FNDC3A: variants seen among roughly 807,000 people sequenced by gnomAD.
The protein encoded by FNDC3A is fibronectin type-III domain-containing protein 3A.
FNDC3A carries 32 observed loss-of-function variants against 148.9 expected under a neutral mutation model. The observed-to-expected ratio is 0.21, with a 90% CI of 0.16 to 0.29. FNDC3A has a LOEUF of 0.29. Among genes scored for constraint, FNDC3A ranks in the 10% least tolerant of loss-of-function variants. The pLI is 1.00. For synonymous variants in FNDC3A, 472 were observed against 473.6 expected (o/e 1.00, Z 0.04); for missense variants, 1,191 against 1,452.8 (o/e 0.82, Z 2.93).
At chr13:49,067,838 C>T (rs1180989486) in intron 2 of FNDC3A, among the ~76,000 whole-genome samples, 3 of 152,162 alleles carry the variant, frequency 2.0e-5, no homozygotes, top group Non-Finnish European at 4.4e-5. Context: ...GTTAAGAACT[C>T]TTGTGCTTTA....
At chr13:49,048,741 A>G (rs780033352) in intron 2 of FNDC3A, among the ~76,000 whole-genome samples, 2 of 152,160 alleles carry the variant, frequency 1.3e-5, no homozygotes, top group African/African-American at 4.8e-5. Flanking sequence ...TTTTCTAGGT[A>G]TATGATCATA....
chr13:49,103,574 G>A (rs529602311), intron 3 of FNDC3A, among the ~76,000 whole-genome samples: 1 of 152,192 alleles, frequency 6.6e-6, no homozygotes, highest in East Asian at 1.9e-4. Context: ...GCTAGGGACT[G>A]GGGGCAAGGA....
chr13:49,030,068 C>G lies in FNDC3A; in HGVS notation c.99+23779C>G, dbSNP rs193073996. ...AATTAACACCAAATCTAAAACTAAA[C>G]CAGACAGAGACATTGCAAGAAAACC... On this transcript the variant is annotated intron_variant, in intron 2 of 25. Coordinates refer to ENST00000492622, the MANE Select transcript of FNDC3A (RefSeq NM_001079673.2). Among the ~76,000 whole-genome samples, 284 of 152,172 alleles carry G rather than the reference C, an allele frequency of 1.9e-3. 1 individual carries two copies. Among genetic ancestry groups the G allele is most frequent in the Middle Eastern group, 3.4e-3 (1 of 294 alleles).
intron 2 of FNDC3A, among the ~76,000 whole-genome samples, chr13:49,039,382 G>A (rs1044701848): frequency 6.6e-6 from 1 of 152,062 alleles, no homozygotes; most frequent in Non-Finnish European, 1.5e-5. Flanking sequence ...TTGTTTAGAG[G>A]TTCCCGTCAG....
intron 3 of FNDC3A, among the ~76,000 whole-genome samples, chr13:49,078,269 A>C (rs1289882579): frequency 6.6e-6 from 1 of 152,176 alleles, no homozygotes; most frequent in Non-Finnish European, 1.5e-5. Flanking sequence ...AAATCAATTA[A>C]ATTGATTTTA....
intron 23 of FNDC3A, among the ~76,000 whole-genome samples, chr13:49,199,278 C>G (rs1424707410): frequency 6.6e-6 from 1 of 151,912 alleles, no homozygotes; most frequent in Non-Finnish European, 1.5e-5. Context: ...CGCTCAGCCT[C>G]ACTGAGTGCT....
intron 14 of FNDC3A, among the ~76,000 whole-genome samples, chr13:49,183,273 T>C (rs932372652): frequency 6.6e-6 from 1 of 152,210 alleles, no homozygotes; most frequent in Non-Finnish European, 1.5e-5. Flanking sequence ...AACACTTCCA[T>C]TTCCCTTTTC....
intron 19 of FNDC3A, among the ~76,000 whole-genome samples, chr13:49,194,402 C>G (rs905246802): frequency 1.3e-5 from 2 of 152,190 alleles, no homozygotes; most frequent in Non-Finnish European, 2.9e-5. Flanking sequence ...AAGATGGTTT[C>G]AAGATTACTT....
intron 25 of FNDC3A, among the ~76,000 whole-genome samples, chr13:49,205,350 T>C (rs1886599442): frequency 6.6e-6 from 1 of 152,234 alleles, no homozygotes; most frequent in Non-Finnish European, 1.5e-5. Flanking sequence ...ATATTTTTAA[T>C]TTTTACTCAA....
upstream of FNDC3A, chr13:48,975,296 T>C (rs1951579687): frequency 6.6e-6 from 1 of 152,234 alleles, no homozygotes; most frequent in Non-Finnish European, 1.5e-5. Flanking sequence ...CGCTCACTTG[T>C]AAGTCTTCGT....
intron 4 of FNDC3A, among the ~76,000 whole-genome samples, chr13:49,121,618 A>C (rs1336032098): frequency 6.6e-6 from 1 of 152,176 alleles, no homozygotes; most frequent in Admixed American, 6.5e-5. Context: ...GTTAAAGAAG[A>C]AAAGAGAGGA....
At chr13:49,115,982 C>G (rs1002351679) in intron 4 of FNDC3A, among the ~76,000 whole-genome samples, 2 of 152,156 alleles carry the variant, frequency 1.3e-5, no homozygotes, top group African/African-American at 4.8e-5. Flanking sequence ...CTCAGATCTT[C>G]CTTCTCTTAC....
chr13:48,984,787 C>T lies in FNDC3A; in HGVS notation c.-40+8610C>T, dbSNP rs541875592. Among the ~76,000 whole-genome samples, 12 of 152,156 alleles carry T rather than the reference C, an allele frequency of 7.9e-5. No homozygotes were observed. In the South Asian group the frequency reaches 1.5e-3, roughly 18 times the overall value. On this transcript the variant is annotated intron_variant, in intron 1 of 25. Coordinates refer to ENST00000492622, the MANE Select transcript of FNDC3A (RefSeq NM_001079673.2). ...GCAACCTCCGCCTCCCAGGTTCAAG[C>T]GATTCTCCTGCCTCAGCCTCCCAAG...
At chr13:48,993,199 C>T (rs1951952485) in intron 1 of FNDC3A, among the ~76,000 whole-genome samples, 1 of 152,162 alleles carries the variant, frequency 6.6e-6, no homozygotes, top group Non-Finnish European at 1.5e-5. Flanking sequence ...ACATTGTTAT[C>T]AACTTTACAT....
At chr13:49,033,229 T>A (rs1459735805) in intron 2 of FNDC3A, among the ~76,000 whole-genome samples, 1 of 152,194 alleles carries the variant, frequency 6.6e-6, no homozygotes, top group Non-Finnish European at 1.5e-5. Flanking sequence ...AAATTCTGAC[T>A]TGTTAACTGA....
intron 11 of FNDC3A, among the ~76,000 whole-genome samples, chr13:49,172,847 T>C (rs953649418): frequency 6.6e-6 from 1 of 152,198 alleles, no homozygotes; most frequent in Non-Finnish European, 1.5e-5. Context: ...GCAAGCATAC[T>C]GGACTTCATT....
At chr13:49,153,466 G>A in intron 8 of FNDC3A, among the ~76,000 whole-genome samples, 1 of 152,012 alleles carries the variant, frequency 6.6e-6, no homozygotes, top group Non-Finnish European at 1.5e-5. Context: ...CATTTTGTAG[G>A]TTGCCTGTTC....
At chr13:49,150,188 G>A (rs948836215) in intron 8 of FNDC3A, among the ~76,000 whole-genome samples, 1 of 151,968 alleles carries the variant, frequency 6.6e-6, no homozygotes. Flanking sequence ...ATCCTCCCAC[G>A]TCAGCCTCCC....
rs762679004 is a variant in FNDC3A, at chr13:49,019,570, G to C, written c.99+13281G>C. Reference sequence around the variant, plus strand: ...GCAGAAATCACCCATCTTCTGCGTCGCTCTCTCTGGGAGCTGTAGACCGGA... The same window carrying C: ...GCAGAAATCACCCATCTTCTGCGTCCCTCTCTCTGGGAGCTGTAGACCGGA... On this transcript the variant is annotated intron_variant, in intron 2 of 25. Coordinates refer to ENST00000492622, the MANE Select transcript of FNDC3A (RefSeq NM_001079673.2). Among the ~76,000 whole-genome samples the C allele has an allele frequency of 2.6e-5, 4 of 152,196 alleles. No individual in the cohort carries two copies. In the South Asian group the frequency reaches 8.3e-4, roughly 32 times the overall value.
Sources: allele counts gnomAD v4.1 joint callset (sites outside exome capture counted in the v4.1 genomes callset), GRCh38; gene constraint gnomAD v4.1.1; transcripts MANE v1.5; gene names NCBI Gene and HGNC (gene_info 2026-07-23, HGNC 2026-07-21).